The following CRISP1 variants were observed in gnomAD, a reference collection of about 807,000 sequenced individuals.
CRISP1 encodes the protein cysteine-rich secretory protein 1.
A neutral mutation model predicts 33.1 loss-of-function variants in CRISP1; 44 were observed. The ratio of observed to expected loss-of-function variants is 1.33; its 90% CI spans 1.05 to 1.71. The LOEUF (loss-of-function observed/expected upper bound fraction) is 1.71, where lower values mean the gene tolerates loss of function less well. CRISP1 is among the 40% of genes most tolerant of loss of function. The pLI, the probability that CRISP1 is intolerant of heterozygous loss-of-function variation, is 0.00. For synonymous variants in CRISP1, 103 were observed against 98.7 expected (o/e 1.04, Z -0.26); for missense variants, 390 against 301.2 (o/e 1.29, Z -2.18).
chr6:49,871,720 G>A (rs1362482648), intron 1 of CRISP1, among the ~76,000 whole-genome samples: 2 of 151,840 alleles, frequency 1.3e-5, no homozygotes, highest in African/African-American at 2.4e-5. Flanking sequence ...CCCTACAAAG[G>A]ACATGAACTT....
At chr6:49,873,067 G>A (rs193158733) in intron 1 of CRISP1, among the ~76,000 whole-genome samples, 2 of 152,064 alleles carry the variant, frequency 1.3e-5, no homozygotes, top group Non-Finnish European at 2.9e-5. Flanking sequence ...TATACCTAAT[G>A]TTAAATGACG....
intron 1 of CRISP1, among the ~76,000 whole-genome samples, chr6:49,864,041 C>T (rs1771729031): frequency 1.3e-5 from 2 of 152,150 alleles, no homozygotes; most frequent in Non-Finnish European, 2.9e-5. Context: ...CCAGGAAGGT[C>T]ACTTGCACCC....
intron 1 of CRISP1, among the ~76,000 whole-genome samples, chr6:49,861,719 A>G (rs150288332): frequency 3.8e-4 from 58 of 152,192 alleles, no homozygotes; most frequent in Non-Finnish European, 7.8e-4. Context: ...CCTCGTCTCT[A>G]CTAAAAATAC....
At chr6:49,856,772 A>G (rs1771508400) in intron 2 of CRISP1, among the ~76,000 whole-genome samples, 1 of 152,132 alleles carries the variant, frequency 6.6e-6, no homozygotes, top group African/African-American at 2.4e-5. Flanking sequence ...GGCTGATCAT[A>G]AAATATTATA....
Position 49,848,163 on chromosome 6 carries a change from T to TC in CRISP1, c.286+45_286+46insG, listed in dbSNP as rs762585068. ...ACATAACAATCCCTGTTTTACTATT[T>TC]TTTTTTTTTTTAGTCCAAAGGCGGG... is the stretch of plus-strand genomic sequence containing the variant. On this transcript the variant is annotated intron_variant, in intron 4 of 7. Transcript: ENST00000335847. The TC allele has an allele frequency of 7.8e-6, 8 of 1,029,454 alleles. No homozygotes were observed. In the African/African-American group the frequency reaches 1.3e-4, roughly 17 times the overall value. The allele number at this position is 1,029,454 out of a possible 1,614,324, so 63.8% of individuals were successfully genotyped here. A position where few individuals can be genotyped will look rare whatever the true frequency, so the allele number is the denominator to read the frequency against.
intron 3 of CRISP1, among the ~76,000 whole-genome samples, chr6:49,850,751 CT>C (rs1412603083): frequency 6.6e-6 from 1 of 151,830 alleles, no homozygotes; most frequent in African/African-American, 2.4e-5. Flanking sequence ...AGTGTTTTTT[CT>C]GTATTTGCCT....
intron 1 of CRISP1, among the ~76,000 whole-genome samples, chr6:49,858,825 G>C (rs902244063): frequency 1.8e-4 from 27 of 151,946 alleles, no homozygotes; most frequent in African/African-American, 6.5e-4. Context: ...GGGGCTTCAA[G>C]AAAGATAGCT....
intron 2 of CRISP1, among the ~76,000 whole-genome samples, chr6:49,856,108 G>C (rs568372350): frequency 5.9e-5 from 9 of 152,126 alleles, no homozygotes; most frequent in Admixed American, 5.9e-4. Context: ...AGCGGATTGG[G>C]TATGGTTTCC....
intron 6 of CRISP1, 74 bp downstream of exon 6, chr6:49,840,823 CA>C (rs1179201141): frequency 6.7e-6 from 8 of 1,195,162 alleles, no homozygotes; most frequent in South Asian, 1.3e-5. Context: ...TTTATGCACA[CA>C]AAAAAACAAT....
At position 49,834,349 on chromosome 6, in the gene CRISP1, G is replaced by A. The variant is rs1260054466; in HGVS notation, c.*967C>T. ...TAACTTTGGTATAATGTTAAAATTT[G>A]ACCAAGTATTTTTAGCCTTCCCTTT... On this transcript the variant is annotated 3_prime_UTR_variant, in exon 8 of 8. Coordinates refer to ENST00000335847, the MANE Select transcript of CRISP1 (RefSeq NM_001131.3). The A allele has an allele frequency of 6.6e-6, 1 of 150,608 alleles. No homozygotes were observed. Among genetic ancestry groups the A allele is most frequent in the African/African-American group, 2.4e-5 (1 of 40,966 alleles). The allele number at this position is 150,608 out of a possible 1,614,324, so 9.3% of individuals were successfully genotyped here. A position where few individuals can be genotyped will look rare whatever the true frequency, so the allele number is the denominator to read the frequency against.
intron 4 of CRISP1, among the ~76,000 whole-genome samples, chr6:49,847,059 G>C (rs1157335992): frequency 6.6e-6 from 1 of 152,108 alleles, no homozygotes; most frequent in Non-Finnish European, 1.5e-5. Flanking sequence ...TGTTTATTTA[G>C]CCATTCATGT....
rs534321297 is a variant in CRISP1 at position 49,846,903 on chromosome 6, A to G, written c.287-235T>C. Among the ~76,000 whole-genome samples, 16 of 152,272 alleles carry G rather than the reference A, an allele frequency of 1.1e-4. No homozygotes were observed. In the South Asian group the frequency reaches 3.3e-3, roughly 32 times the overall value. On this transcript the variant is annotated intron_variant, in intron 4 of 7. Coordinates refer to ENST00000335847, the MANE Select transcript of CRISP1 (RefSeq NM_001131.3). Reference sequence around the variant, plus strand: ...GGTGATGAACAAGTTTTGAAATCAAATCATCAACATTTCAGTCTCTGCTGC... The same window carrying G: ...GGTGATGAACAAGTTTTGAAATCAAGTCATCAACATTTCAGTCTCTGCTGC...
intron 7 of CRISP1, among the ~76,000 whole-genome samples, chr6:49,837,959 T>C (rs1353420405): frequency 6.6e-6 from 1 of 150,908 alleles, no homozygotes; most frequent in East Asian, 1.9e-4. Context: ...TTTTAGATGG[T>C]TCACAGGAAC....
intron 1 of CRISP1, among the ~76,000 whole-genome samples, chr6:49,863,145 A>G (rs1771700196): frequency 6.6e-6 from 1 of 152,170 alleles, no homozygotes; most frequent in Non-Finnish European, 1.5e-5. Flanking sequence ...ATGCAGACCT[A>G]AAGATTAGAA....
rs1268435859 is a variant in CRISP1 at position 49,852,036 on chromosome 6, T to C, written c.160A>G (p.Arg54Gly). 3 of 1,612,066 alleles carry C rather than the reference T, an allele frequency of 1.9e-6. No homozygotes were observed. Among genetic ancestry groups the C allele is most frequent in the Non-Finnish European group, 2.5e-6 (3 of 1,179,226 alleles). Residue 54 changes from arginine to glycine, a missense_variant, in exon 3 of 8, where the codon AGA becomes GGA. Physicochemically the swap from Arg to Gly is moderately radical, Grantham distance 125. Transcript: ENST00000335847. ...ATGTTGCTGGCTGGTGGAACTACTC[T>C]TCTCCTGAGGGCGTTGTGTATATTA... ...IVNIHNALRR[R>G]VVPPASNMLK...
intron 1 of CRISP1, among the ~76,000 whole-genome samples, chr6:49,860,697 G>A (rs1413038940): frequency 6.6e-6 from 1 of 152,074 alleles, no homozygotes; most frequent in East Asian, 1.9e-4. Context: ...ATCTAATAAT[G>A]CATCTCAAGA....
intron 1 of CRISP1, among the ~76,000 whole-genome samples, chr6:49,876,271 A>G (rs1018930789): frequency 1.3e-5 from 2 of 152,162 alleles, no homozygotes; most frequent in Admixed American, 1.3e-4. Context: ...CGTGCAGGCA[A>G]CAACATATGA....
intron 7 of CRISP1, among the ~76,000 whole-genome samples, chr6:49,835,815 A>C (rs1037087950): frequency 2.0e-5 from 3 of 152,200 alleles, no homozygotes; most frequent in Non-Finnish European, 4.4e-5. Flanking sequence ...TTAATGGTTA[A>C]AGATTTGCTT....
intron 1 of CRISP1, among the ~76,000 whole-genome samples, chr6:49,876,261 C>A (rs1039942236): frequency 6.6e-6 from 1 of 151,986 alleles, no homozygotes; most frequent in Non-Finnish European, 1.5e-5. Context: ...AGAAGACATT[C>A]GTGCAGGCAA....
Sources: gnomAD v4.1 joint callset for allele counts (sites outside exome capture counted in the v4.1 genomes callset) on GRCh38, gnomAD v4.1.1 for gene constraint, MANE v1.5 for transcripts, NCBI Gene and HGNC (gene_info 2026-07-23, HGNC 2026-07-21) for gene names.